The following DIS3 variants were observed in gnomAD, a reference collection of about 807,000 sequenced individuals.
DIS3 encodes the protein exosome complex exonuclease RRP44.
Under a neutral mutation model 113.0 loss-of-function variants are expected in DIS3, and 103 were observed. The ratio of observed to expected loss-of-function variants is 0.91; its 90% CI spans 0.78 to 1.07. DIS3 has a LOEUF of 1.07. Among genes scored for constraint, DIS3 ranks in the 50% least tolerant of loss-of-function variants. DIS3 has a pLI of 0.00. For synonymous variants in DIS3, 402 were observed against 394.3 expected (o/e 1.02, Z -0.23); for missense variants, 1,121 against 1,167.1 (o/e 0.96, Z 0.58).
intron 11 of DIS3, 80 bp downstream of exon 11, chr13:72,771,715 A>G (rs919520914): frequency 4.3e-6 from 6 of 1,379,574 alleles, no homozygotes; most frequent in Non-Finnish European, 6.0e-6. Context: ...TATTCCATGT[A>G]TTTTTCTTAG....
intron 19 of DIS3, 124 bp downstream of exon 19, chr13:72,761,239 T>C: frequency 7.9e-7 from 1 of 1,258,484 alleles, no homozygotes; most frequent in South Asian, 1.6e-5. Flanking sequence ...CTGGCATGTA[T>C]TTGGAGATCA....
At position 72,757,262 on chromosome 13, in the gene DIS3, T is replaced by C. The variant is rs944614746; in HGVS notation, c.*2533A>G. 10 of 151,894 alleles carry C rather than the reference T, an allele frequency of 6.6e-5. No homozygotes were observed. Among genetic ancestry groups the C allele is most frequent in the Non-Finnish European group, 1.3e-4 (9 of 68,212 alleles). 9.4% of individuals were successfully genotyped at this position (151,894 alleles called of 1,614,324 possible). A position where few individuals can be genotyped will look rare whatever the true frequency, so the allele number is the denominator to read the frequency against. Reference sequence around the variant, plus strand: ...TGTAGGCAGTTTTTCTTCTCTTTTTTTTTTTTTGAGACAGTCTTGTTCTGT... The same window carrying C: ...TGTAGGCAGTTTTTCTTCTCTTTTTCTTTTTTTGAGACAGTCTTGTTCTGT... On this transcript the variant is annotated 3_prime_UTR_variant, in exon 21 of 21. Coordinates refer to ENST00000377767, the MANE Select transcript of DIS3 (RefSeq NM_014953.5).
intron 1 of DIS3, 60 bp downstream of exon 1, chr13:72,781,545 C>T: frequency 6.8e-7 from 1 of 1,461,074 alleles, no homozygotes; most frequent in Non-Finnish European, 9.0e-7. Flanking sequence ...CCTCAGTTTC[C>T]CTGTCATACC....
At position 72,759,122 on chromosome 13, in the gene DIS3, G is replaced by C. The variant is rs981146190; in HGVS notation, c.*673C>G. On this transcript the variant is annotated 3_prime_UTR_variant, in exon 21 of 21. Coordinates refer to ENST00000377767, the MANE Select transcript of DIS3 (RefSeq NM_014953.5). ...TTGAATGCCAATGTCTTATTCTGGA[G>C]AGACACTGGAGCTGAAGTTCAACAA... is the stretch of plus-strand genomic sequence containing the variant. 6.0e-5 allele frequency: 11 copies of C among 182,854 alleles called. No individual in the cohort carries two copies. The highest frequency in any genetic ancestry group is 2.6e-4 in the African/African-American group (11 of 42,650). 11.3% of individuals were successfully genotyped at this position (182,854 alleles called of 1,614,324 possible).
At chr13:72,766,960 A>G (rs1043964857) in intron 14 of DIS3, among the ~76,000 whole-genome samples, 11 of 152,308 alleles carry the variant, frequency 7.2e-5, no homozygotes, top group African/African-American at 2.4e-4. Context: ...CTAAAAAGAG[A>G]ATCTCAAAAA....
At position 72,755,793 on chromosome 13, in the gene DIS3, T is replaced by C. The variant is rs1398735242; in HGVS notation, c.*4002A>G. On this transcript the variant is annotated 3_prime_UTR_variant, in exon 21 of 21. Coordinates refer to ENST00000377767, the MANE Select transcript of DIS3 (RefSeq NM_014953.5). ...CTGTTCTAGTTACTACTTTTAAGTATGTAAATACTAGAAAGGTAGTACTAG... is the reference window on the plus strand; with the variant it reads ...CTGTTCTAGTTACTACTTTTAAGTACGTAAATACTAGAAAGGTAGTACTAG... 1.5e-5 allele frequency: 6 copies of C among 398,242 alleles called. No individual in the cohort carries two copies. Among genetic ancestry groups the C allele is most frequent in the East Asian group, 7.1e-5 (2 of 28,088 alleles). 24.7% of individuals were successfully genotyped at this position (398,242 alleles called of 1,614,324 possible). A position where few individuals can be genotyped will look rare whatever the true frequency, so the allele number is the denominator to read the frequency against.
intron 14 of DIS3, among the ~76,000 whole-genome samples, chr13:72,767,174 C>T (rs978421201): frequency 6.6e-6 from 1 of 151,574 alleles, no homozygotes; most frequent in African/African-American, 2.4e-5. Flanking sequence ...TTTCTGATTG[C>T]TTTTTCAATT....
intron 2 of DIS3, among the ~76,000 whole-genome samples, chr13:72,778,916 G>A (rs543956261): frequency 1.3e-5 from 2 of 152,156 alleles, no homozygotes; most frequent in South Asian, 2.1e-4. Context: ...TAGATATTAC[G>A]TATTTCTTCT....
chr13:72,754,981 T>C lies in DIS3; in HGVS notation c.*4814A>G. The C allele has an allele frequency of 1.7e-6, 1 of 572,820 alleles. No homozygotes were observed. The highest frequency in any genetic ancestry group is 3.1e-6 in the Non-Finnish European group (1 of 325,972). 35.5% of individuals were successfully genotyped at this position (572,820 alleles called of 1,614,324 possible). A position where few individuals can be genotyped will look rare whatever the true frequency, so the allele number is the denominator to read the frequency against. On this transcript the variant is annotated 3_prime_UTR_variant, in exon 21 of 21. Coordinates refer to ENST00000377767, the MANE Select transcript of DIS3 (RefSeq NM_014953.5). ...CTCCCACCTTGGCCTCTCAAAGTGT[T>C]GGGATGCTTTTTGATGCAGAATATT...
chr13:72,772,089 T>C (rs1445233449), intron 10 of DIS3, 70 bp downstream of exon 10: 9 of 1,380,528 alleles, frequency 6.5e-6, no homozygotes, highest in Non-Finnish European at 9.0e-6. Flanking sequence ...GCAAATTCTA[T>C]TCTAGTTCAA....
rs367943961 is a variant in DIS3, at chr13:72,756,061, A to AACTT, written c.*3730_*3733dup. On this transcript the variant is annotated 3_prime_UTR_variant, in exon 21 of 21. Coordinates refer to ENST00000377767, the MANE Select transcript of DIS3 (RefSeq NM_014953.5). ...GTTATATACAACTATTTTTTTAAAA[A>AACTT]ACTTATATCCATGTTGGGAGTAGAT... The AACTT allele has an allele frequency of 1.5e-3, 611 of 398,160 alleles. 6 individuals are homozygous for AACTT. The highest frequency in any genetic ancestry group is 0.012 in the African/African-American group (566 of 48,734). 24.7% of individuals were successfully genotyped at this position (398,160 alleles called of 1,614,324 possible). A position where few individuals can be genotyped will look rare whatever the true frequency, so the allele number is the denominator to read the frequency against.
At chr13:72,765,558 C>T (rs767796548) in intron 15 of DIS3, among the ~76,000 whole-genome samples, 15 of 152,114 alleles carry the variant, frequency 9.9e-5, no homozygotes, top group African/African-American at 9.7e-5. Context: ...ATAGGACTGG[C>T]GCTCCAATGG....
intron 4 of DIS3, 149 bp from the exon 5 acceptor site, chr13:72,776,241 C>T: frequency 2.8e-6 from 2 of 706,672 alleles, no homozygotes; most frequent in Non-Finnish European, 4.2e-6. Flanking sequence ...TTCTTATAGG[C>T]CAGTGCTAAC....
In DIS3 at chr13:72,760,639, T is replaced by G; in HGVS notation, c.2683A>C (p.Lys895Gln). ...LIYDDEIPSL[K>Q]IEDTVFHVFD... ...ACATGGAACACTGTATCTTCTATTT[T>G]AAGTGAGGGTATCTAAACAAAACAC... The change falls in exon 20 of 21, where the codon AAA (lysine) becomes CAA (glutamine). Residue 895 changes from lysine to glutamine, a missense_variant. Around this residue, in one of 3 missense-constraint regions of DIS3, gnomAD observed 861 missense variants for 915.5 expected, o/e 0.94. Transcript: ENST00000377767. The G allele has an allele frequency of 1.2e-6, 2 of 1,612,746 alleles. No individual in the cohort carries two copies. The highest frequency in any genetic ancestry group is 1.7e-6 in the Non-Finnish European group (2 of 1,179,272).
At chr13:72,775,181 G>C (rs1333824252) in intron 6 of DIS3, 30 bp downstream of exon 6, 1 of 1,575,868 alleles carries the variant, frequency 6.3e-7, no homozygotes, top group Admixed American at 1.9e-5. Context: ...AAGCTACACA[G>C]ACAAAAAAAA....
intron 9 of DIS3, 146 bp downstream of exon 9, chr13:72,772,547 T>C (rs1319641847): frequency 3.3e-6 from 3 of 903,838 alleles, no homozygotes; most frequent in Non-Finnish European, 4.9e-6. Flanking sequence ...TGACTTCTTC[T>C]ATAATTCCTA....
intron 1 of DIS3, chr13:72,781,239 T>G: frequency 2.6e-6 from 4 of 1,540,638 alleles, no homozygotes; most frequent in Non-Finnish European, 3.5e-6. Context: ...TTAAGGGTAT[T>G]AATAAAGGAA....
intron 15 of DIS3, among the ~76,000 whole-genome samples, chr13:72,765,599 G>A (rs2033725973): frequency 1.3e-5 from 2 of 152,150 alleles, no homozygotes; most frequent in Admixed American, 1.3e-4. Context: ...TCTGACAGAA[G>A]GCAGAGCTCA....
intron 3 of DIS3, among the ~76,000 whole-genome samples, 153 bp from the exon 4 acceptor site, chr13:72,777,646 G>A (rs1035347197): frequency 3.3e-5 from 5 of 152,028 alleles, no homozygotes; most frequent in South Asian, 2.1e-4. Flanking sequence ...GGAGTGCAGC[G>A]GCGCAATTAC....
Sources: allele counts gnomAD v4.1 joint callset (sites outside exome capture counted in the v4.1 genomes callset), GRCh38; gene constraint gnomAD v4.1.1; regional missense constraint gnomAD v4.1.1; transcripts MANE v1.5; gene names NCBI Gene and HGNC (gene_info 2026-07-23, HGNC 2026-07-21).